The following CHAF1A variants were observed in gnomAD, a reference collection of about 807,000 sequenced individuals.
CHAF1A encodes the protein chromatin assembly factor 1 subunit A.
CHAF1A carries 5 observed loss-of-function variants against 93.2 expected under a neutral mutation model. That is an observed-to-expected ratio of 0.05 (90% CI 0.03 to 0.11). The LOEUF (loss-of-function observed/expected upper bound fraction) is 0.11, where lower values mean the gene tolerates loss of function less well. Among genes scored for constraint, CHAF1A ranks in the 10% least tolerant of loss-of-function variants. The pLI is 1.00. For missense variants in CHAF1A, 1,102 were observed against 1,259.9 expected (o/e 0.87, Z 1.90); for synonymous variants, 504 against 510.3 (o/e 0.99, Z 0.17).
In CHAF1A at chr19:4,409,223, C is replaced by G. The variant is rs1237352225; in HGVS notation, c.424C>G (p.Pro142Ala). 6.2e-7 allele frequency: 1 copy of G among 1,614,056 alleles called. No individual in the cohort carries two copies. The highest frequency in any genetic ancestry group is 8.5e-7 in the Non-Finnish European group (1 of 1,180,036). Reference protein sequence around the residue: ...DHNKLNSEASPSREAINGQRE... With the variant: ...DHNKLNSEASASREAINGQRE... ...CAATAAACTAAATTCTGAAGCCTCT[C>G]CCTCCAGGGAGGCAATAAATGGCCA... The change falls in exon 3 of 15, where the codon CCC becomes GCC. Residue 142 changes from proline (P) to alanine (A), a missense_variant. Physicochemically the swap from Pro to Ala is conservative, Grantham distance 27 (BLOSUM62 -1). Transcript: ENST00000301280.
intron 11 of CHAF1A, chr19:4,430,876 C>G: frequency 1.9e-6 from 1 of 528,120 alleles, no homozygotes; most frequent in Non-Finnish European, 3.4e-6. Context: ...GGAGCAGACA[C>G]CCTGGTGAGG....
chr19:4,432,224 C>T lies in CHAF1A; in HGVS notation c.2203+17C>T, dbSNP rs966394153. ...ACGAGCAGAGTGAGTGTGGGCGGGG[C>T]CAGGCCACCCACCTGTTCCTGGGCC... On this transcript the variant is annotated intron_variant, in intron 12 of 14. Coordinates refer to ENST00000301280, the MANE Select transcript of CHAF1A (RefSeq NM_005483.3). The T allele has an allele frequency of 1.5e-5, 23 of 1,581,972 alleles. No homozygotes were observed. Among genetic ancestry groups the T allele is most frequent in the Non-Finnish European group, 1.6e-5 (19 of 1,161,092 alleles).
chr19:4,428,964 G>T, intron 8 of CHAF1A, 74 bp downstream of exon 8: 1 of 1,268,526 alleles, frequency 7.9e-7, no homozygotes. Flanking sequence ...TGGGGTCCCC[G>T]GGGTGGGAGC....
chr19:4,411,958 T>G (rs1055064240), intron 3 of CHAF1A, among the ~76,000 whole-genome samples: 1 of 152,054 alleles, frequency 6.6e-6, no homozygotes, highest in African/African-American at 2.4e-5. Context: ...TTCTACTTTG[T>G]TTTATATGTG....
intron 1 of CHAF1A, among the ~76,000 whole-genome samples, chr19:4,404,949 C>G (rs1319452320): frequency 1.3e-5 from 2 of 152,040 alleles, no homozygotes; most frequent in African/African-American, 4.8e-5. Context: ...AATTGTGGTA[C>G]CTTCATGAAT....
rs1477649232 is a variant in CHAF1A at position 4,430,028 on chromosome 19, G to A, written c.1854+240G>A. Reference sequence around the variant, plus strand: ...TGGGGATGGGATCCCGTCCGCATCTGCACCGTGGCCCCACAGCCCCCTCTT... The same window carrying A: ...TGGGGATGGGATCCCGTCCGCATCTACACCGTGGCCCCACAGCCCCCTCTT... On this transcript the variant is annotated intron_variant, in intron 10 of 14. Transcript: ENST00000301280. 1.0e-5 allele frequency: 5 copies of A among 495,660 alleles called. No individual in the cohort carries two copies. In the Admixed American group the frequency reaches 1.8e-4, roughly 18 times the overall value. The allele number at this position is 495,660 out of a possible 1,614,324, so 30.7% of individuals were successfully genotyped here. A position where few individuals can be genotyped will look rare whatever the true frequency, so the allele number is the denominator to read the frequency against.
intron 3 of CHAF1A, among the ~76,000 whole-genome samples, chr19:4,414,436 T>C (rs1487357223): frequency 1.3e-5 from 2 of 151,734 alleles, no homozygotes; most frequent in South Asian, 2.1e-4. Context: ...AATGGAAACC[T>C]TGAAGCCCTC....
At chr19:4,427,686 C>G (rs1349493712) in intron 7 of CHAF1A, among the ~76,000 whole-genome samples, 2 of 152,220 alleles carry the variant, frequency 1.3e-5, no homozygotes, top group Admixed American at 6.5e-5. Flanking sequence ...CTCCCAGGTT[C>G]AAGCAATTCT....
chr19:4,437,160 A>G (rs1487253348), intron 13 of CHAF1A, among the ~76,000 whole-genome samples: 1 of 143,214 alleles, frequency 7.0e-6, no homozygotes, highest in Admixed American at 6.7e-5. Context: ...ACGTGAAGGA[A>G]TGGAGACCCA....
At chr19:4,435,759 G>C (rs1237290740) in intron 13 of CHAF1A, among the ~76,000 whole-genome samples, 1 of 152,214 alleles carries the variant, frequency 6.6e-6, no homozygotes. Flanking sequence ...CGATCTGATG[G>C]AGTTACAGGT....
At chr19:4,418,444 C>G (rs1973933310) in intron 4 of CHAF1A, among the ~76,000 whole-genome samples, 1 of 127,706 alleles carries the variant, frequency 7.8e-6, no homozygotes, top group Non-Finnish European at 1.6e-5. Context: ...GAGACAGAGT[C>G]TCGCTCTGCC....
At chr19:4,430,084 C>T (rs568902339) in intron 10 of CHAF1A, 9 of 415,770 alleles carry the variant, frequency 2.2e-5, no homozygotes, top group Non-Finnish European at 3.9e-5. Context: ...ACACCATTTC[C>T]TCCTGACTGC....
rs1401915090 is a variant in CHAF1A at position 4,409,381 on chromosome 19, G to A, written c.582G>A (p.Gly194=). 1.2e-6 allele frequency: 2 copies of A among 1,614,160 alleles called. No individual in the cohort carries two copies. The highest frequency in any genetic ancestry group is 1.7e-6 in the Non-Finnish European group (2 of 1,180,032). The change falls in exon 3 of 15, where the codon GGG becomes GGA. Residue 194 remains glycine (G), a synonymous_variant. Coordinates refer to ENST00000301280, the MANE Select transcript of CHAF1A (RefSeq NM_005483.3). The part of the protein sequence containing the change: ...EEEGVGCGGA[G]RRGDSQECSP... ...AGGGTGTTGGCTGTGGAGGTGCAGG[G>A]AGGAGAGGCGACTCCCAGGAATGTT...
At chr19:4,437,373 A>G (rs929588644) in intron 13 of CHAF1A, among the ~76,000 whole-genome samples, 1 of 151,812 alleles carries the variant, frequency 6.6e-6, no homozygotes, top group African/African-American at 2.4e-5. Context: ...TTTTTTTGAC[A>G]GGGTCTCACT....
intron 7 of CHAF1A, among the ~76,000 whole-genome samples, chr19:4,425,607 A>G (rs984805190): frequency 1.3e-5 from 2 of 152,106 alleles, no homozygotes; most frequent in African/African-American, 4.8e-5. Flanking sequence ...TTGGCCACCC[A>G]CCGTGCTAGG....
At chr19:4,444,062 A>T (rs1298422040), downstream of CHAF1A, among the ~76,000 whole-genome samples, 1 of 152,194 alleles carries the variant, frequency 6.6e-6, no homozygotes, top group Non-Finnish European at 1.5e-5. Context: ...CCTGAAGCAG[A>T]GGCTGCCCCT....
At chr19:4,406,520 C>T (rs1358165074) in intron 2 of CHAF1A, among the ~76,000 whole-genome samples, 2 of 151,404 alleles carry the variant, frequency 1.3e-5, no homozygotes, top group Non-Finnish European at 2.9e-5. Flanking sequence ...CTGCAACCTC[C>T]GCCTCCTGGG....
At chr19:4,405,773 T>C in intron 1 of CHAF1A, 139 bp from the exon 2 acceptor site, 1 of 697,986 alleles carries the variant, frequency 1.4e-6, no homozygotes, top group Non-Finnish European at 2.6e-6. Context: ...AAAACATCTC[T>C]AGACTGTGTC....
At chr19:4,426,916 CTACTAAAAA>C (rs776939359) in intron 7 of CHAF1A, among the ~76,000 whole-genome samples, 6 of 151,942 alleles carry the variant, frequency 3.9e-5, no homozygotes, top group South Asian at 2.1e-4. Context: ...CAAGGTGTCT[CTACTAAAAA>C]TACTAAAAAT....
Sources: gnomAD v4.1 joint callset for allele counts (sites outside exome capture counted in the v4.1 genomes callset) on GRCh38, gnomAD v4.1.1 for gene constraint, MANE v1.5 for transcripts, NCBI Gene and HGNC (gene_info 2026-07-23, HGNC 2026-07-21) for gene names.